The following MCTP2 variants were observed in gnomAD, a reference collection of about 807,000 sequenced individuals.
The protein encoded by MCTP2 is multiple C2 and transmembrane domain-containing protein 2.
MCTP2 carries 132 observed loss-of-function variants against 111.6 expected under a neutral mutation model. The ratio of observed to expected loss-of-function variants is 1.18; its 90% CI spans 1.03 to 1.37. The LOEUF is 1.37. MCTP2 is among the 40% of genes most tolerant of loss of function. MCTP2 has a pLI of 0.00. For synonymous variants in MCTP2, 395 were observed against 387.7 expected, an observed-to-expected ratio of 1.02 and a Z score of -0.22; for missense variants, 1,183 against 1,067.9, an observed-to-expected ratio of 1.11 and a Z score of -1.50.
intron 1 of MCTP2, among the ~76,000 whole-genome samples, chr15:94,239,501 G>A (rs1255497657): frequency 6.6e-6 from 1 of 152,180 alleles, no homozygotes; most frequent in Non-Finnish European, 1.5e-5. Flanking sequence ...TGTTGGAACA[G>A]GCCCAGTAAA....
Position 94,340,901 on chromosome 15 carries a change from A to T in MCTP2, c.946A>T (p.Lys316Ter). The change falls in exon 7 of 23, where the codon AAA becomes TAA. Residue 316 changes from lysine (K) to a stop codon, truncating the protein, a stop_gained. Transcript: ENST00000357742. LOFTEE classifies it high-confidence loss of function. ...VIVLNLNLVVKQGDFKRHRWS... is the reference protein window; with the variant it reads ...VIVLNLNLVV ...CGTGTTAAATTTGAACCTAGTGGTAAAACAGGGTGATTTCAAGAGACACGT... is the reference window on the plus strand; with the variant it reads ...CGTGTTAAATTTGAACCTAGTGGTATAACAGGGTGATTTCAAGAGACACGT... 6.2e-7 allele frequency: 1 copy of T among 1,609,982 alleles called. No individual in the cohort carries two copies. Among genetic ancestry groups the T allele is most frequent in the Non-Finnish European group, 8.5e-7 (1 of 1,176,388 alleles).
chr15:94,325,139 T>C (rs7171349), intron 4 of MCTP2, among the ~76,000 whole-genome samples: 136,006 of 152,154 alleles, frequency 0.89, 60,849 homozygotes, highest in East Asian at 0.99. Flanking sequence ...GGGTGAGGGT[T>C]ATGCGTGGGC....
At chr15:94,411,821 C>T (rs573528036) in intron 17 of MCTP2, among the ~76,000 whole-genome samples, 21 of 152,262 alleles carry the variant, frequency 1.4e-4, no homozygotes, top group Non-Finnish European at 1.8e-4. Flanking sequence ...TGCTCTTGCA[C>T]AGTGTTTACT....
At chr15:94,295,177 T>A (rs749745073) in intron 1 of MCTP2, among the ~76,000 whole-genome samples, 2 of 152,066 alleles carry the variant, frequency 1.3e-5, no homozygotes, top group Non-Finnish European at 2.9e-5. Context: ...CTCGAACTCC[T>A]GACCTCAAGC....
intron 17 of MCTP2, among the ~76,000 whole-genome samples, chr15:94,437,155 C>CA (rs11352999): frequency 0.02 from 1,383 of 68,966 alleles, 1 homozygote; most frequent in Middle Eastern, 0.032. Flanking sequence ...CTTACACATC[C>CA]AAAAAAAAAA....
intron 7 of MCTP2, chr15:94,341,295 G>A (rs7181166): frequency 0.067 from 12,924 of 194,276 alleles, 459 homozygotes; most frequent in African/African-American, 0.11. Context: ...AGTTGATACA[G>A]TACCTATCAA....
intron 9 of MCTP2, among the ~76,000 whole-genome samples, chr15:94,357,848 C>A (rs571750099): frequency 6.6e-6 from 1 of 152,266 alleles, no homozygotes; most frequent in South Asian, 2.1e-4. Flanking sequence ...AACGTAGAAG[C>A]AGTTTGAATC....
At chr15:94,462,661 C>T (rs990355903) in intron 20 of MCTP2, among the ~76,000 whole-genome samples, 1 of 152,068 alleles carries the variant, frequency 6.6e-6, no homozygotes, top group African/African-American at 2.4e-5. Context: ...TTTTAAAGCG[C>T]CTACTACAGA....
chr15:94,315,400 G>A (rs375394866), intron 3 of MCTP2, 129 bp from the exon 4 acceptor site: 30 of 626,530 alleles, frequency 4.8e-5, no homozygotes, highest in African/African-American at 4.4e-4. Flanking sequence ...ATAGTGAGGA[G>A]GAGTTGGGGA....
chr15:94,349,059 T>C (rs545820854), intron 8 of MCTP2, among the ~76,000 whole-genome samples: 2 of 151,896 alleles, frequency 1.3e-5, no homozygotes, highest in African/African-American at 2.4e-5. Context: ...CTATCTCTAT[T>C]TCATCTGTCA....
intron 21 of MCTP2, 49 bp from the exon 22 acceptor site, chr15:94,476,646 AG>A (rs756690106): frequency 8.0e-4 from 706 of 886,324 alleles, no homozygotes; most frequent in Non-Finnish European, 1.0e-3. Flanking sequence ...ATAGATAGAT[AG>A]ATAGACAGAC....
intron 1 of MCTP2, among the ~76,000 whole-genome samples, chr15:94,233,186 T>A (rs2070309556): frequency 6.6e-6 from 1 of 152,178 alleles, no homozygotes; most frequent in Non-Finnish European, 1.5e-5. Context: ...AGGAATGAAG[T>A]GAGCACTGTT....
chr15:94,400,975 A>G (rs1033384175), intron 16 of MCTP2, among the ~76,000 whole-genome samples: 5 of 152,060 alleles, frequency 3.3e-5, no homozygotes, highest in Non-Finnish European at 7.4e-5. Context: ...TTATTTTATT[A>G]TTGTTATTAT....
chr15:94,408,629 T>G (rs2082012781), intron 17 of MCTP2, among the ~76,000 whole-genome samples: 1 of 152,206 alleles, frequency 6.6e-6, no homozygotes, highest in Non-Finnish European at 1.5e-5. Flanking sequence ...TTTAATAAAA[T>G]TACAGTAATC....
intron 1 of MCTP2, among the ~76,000 whole-genome samples, chr15:94,245,825 C>T (rs986019327): frequency 2.6e-5 from 4 of 151,360 alleles, no homozygotes; most frequent in South Asian, 2.1e-4. Context: ...TTTCTGATTG[C>T]TCCCCCCCCA....
chr15:94,243,153 G>A lies in MCTP2; in HGVS notation c.-66+11489G>A, dbSNP rs558871312. Among the ~76,000 whole-genome samples the A allele has an allele frequency of 6.4e-4, 94 of 146,114 alleles. 1 individual carries two copies. The highest frequency in any genetic ancestry group is 2.3e-3 in the East Asian group (11 of 4,774). ...TACGGGTGTGGATATATTTATATAC[G>A]TGTGTGTATATACATACGTACGTAT... is the stretch of plus-strand genomic sequence containing the variant. On this transcript the variant is annotated intron_variant, in intron 1 of 22. Coordinates refer to ENST00000357742, the MANE Select transcript of MCTP2 (RefSeq NM_001385001.1).
intron 14 of MCTP2, among the ~76,000 whole-genome samples, chr15:94,395,847 A>G (rs773301227): frequency 6.6e-5 from 10 of 152,132 alleles, no homozygotes; most frequent in African/African-American, 1.2e-4. Flanking sequence ...TCAGAAACAG[A>G]CTTCTTGTAC....
chr15:94,373,051 C>A (rs926732571), intron 12 of MCTP2, among the ~76,000 whole-genome samples: 1 of 152,094 alleles, frequency 6.6e-6, no homozygotes, highest in Non-Finnish European at 1.5e-5. Flanking sequence ...TTATAGTTAC[C>A]GTTTTGGGGG....
chr15:94,314,992 G>C, intron 3 of MCTP2: 1 of 324,604 alleles, frequency 3.1e-6, no homozygotes, highest in East Asian at 8.0e-5. Flanking sequence ...AAGAGCATGT[G>C]TCAGTTGGAC....
Sources: gnomAD v4.1 joint callset for allele counts (sites outside exome capture counted in the v4.1 genomes callset) on GRCh38, gnomAD v4.1.1 for gene constraint, MANE v1.5 for transcripts, NCBI Gene and HGNC (gene_info 2026-07-23, HGNC 2026-07-21) for gene names.